The following ZNF536 variants were observed in gnomAD, a reference collection of about 807,000 sequenced individuals.
ZNF536 encodes the protein zinc finger protein 536.
In ZNF536, 13 loss-of-function variants were observed where a neutral mutation model predicts 84.5. That is an observed-to-expected ratio of 0.15 (90% CI 0.10 to 0.24). The LOEUF (loss-of-function observed/expected upper bound fraction) is 0.24, where lower values mean the gene tolerates loss of function less well. ZNF536 is among the 10% of genes least tolerant of loss of function. The pLI, the probability that ZNF536 is intolerant of heterozygous loss-of-function variation, is 1.00. For synonymous variants in ZNF536, 811 were observed against 742.5 expected (o/e 1.09, Z -1.50); for missense variants, 1,536 against 1,747.5 (o/e 0.88, Z 2.16).
At chr19:30,678,024 C>A (rs1292965745) in intron 1 of ZNF536, among the ~76,000 whole-genome samples, 1 of 152,138 alleles carries the variant, frequency 6.6e-6, no homozygotes, top group Non-Finnish European at 1.5e-5. Context: ...TTGAGAATGT[C>A]AAAAGCTTGA....
chr19:30,435,397 A>G (rs1781274989), intron 1 of ZNF536, among the ~76,000 whole-genome samples: 1 of 147,176 alleles, frequency 6.8e-6, no homozygotes, highest in Non-Finnish European at 1.5e-5. Flanking sequence ...TGTGATGATG[A>G]TGCTGTTGAT....
chr19:30,709,262 T>G (rs2148062139), intron 1 of ZNF536, among the ~76,000 whole-genome samples: 1 of 152,258 alleles, frequency 6.6e-6, no homozygotes, highest in African/African-American at 2.4e-5. Flanking sequence ...AAAATCTACC[T>G]TCTTTAAAAC....
intron 1 of ZNF536, among the ~76,000 whole-genome samples, chr19:30,391,393 A>G (rs897918090): frequency 7.9e-5 from 12 of 152,178 alleles, no homozygotes; most frequent in Admixed American, 3.9e-4. Flanking sequence ...TCTGACCAAC[A>G]TCGTGAAACC....
At chr19:30,643,889 A>G (rs1276671790) in intron 1 of ZNF536, among the ~76,000 whole-genome samples, 2 of 152,232 alleles carry the variant, frequency 1.3e-5, no homozygotes, top group Non-Finnish European at 2.9e-5. Context: ...TGCTTTAGAA[A>G]GCAAAGTAGA....
chr19:30,331,292 T>TAAAAAAAAAA (rs11324495), intron 2 of ZNF536, among the ~76,000 whole-genome samples: 4 of 41,720 alleles, frequency 9.6e-5, no homozygotes, highest in African/African-American at 3.2e-4. Context: ...CCCTGTATCT[T>TAAAAAAAAAA]AAAAAAAAAA....
chr19:30,680,384 T>C (rs1022349910), intron 1 of ZNF536, among the ~76,000 whole-genome samples: 12 of 144,904 alleles, frequency 8.3e-5, no homozygotes, highest in African/African-American at 2.8e-4. Flanking sequence ...GTATATCTCC[T>C]AAAGCTATCC....
intron 1 of ZNF536, among the ~76,000 whole-genome samples, chr19:30,650,218 A>C (rs918807644): frequency 6.6e-6 from 1 of 152,210 alleles, no homozygotes; most frequent in African/African-American, 2.4e-5. Flanking sequence ...AAAATACTTC[A>C]AAGGGATGAT....
intron 2 of ZNF536, among the ~76,000 whole-genome samples, chr19:30,524,999 G>A (rs10415509): frequency 0.36 from 55,382 of 152,044 alleles, 12,084 homozygotes; most frequent in African/African-American, 0.62. Flanking sequence ...CTATGGGTGA[G>A]TATCTCTTTA....
chr19:30,471,127 G>A (rs1028372413), intron 2 of ZNF536, among the ~76,000 whole-genome samples: 5 of 151,994 alleles, frequency 3.3e-5, no homozygotes, highest in African/African-American at 4.8e-5. Context: ...GGCTTAGACC[G>A]TTTATCAGAT....
chr19:30,445,695 G>C lies in ZNF536; in HGVS notation c.2133G>C (p.Gln711His), dbSNP rs767835049. Residue 711 changes from glutamine to histidine, a missense_variant, in exon 2 of 5, where the codon CAG (glutamine) becomes CAC (histidine). Gln to His is a conservative substitution (Grantham distance 24). Coordinates refer to ENST00000355537, the MANE Select transcript of ZNF536 (RefSeq NM_014717.3). The surrounding 1 kb of genome is among the most constrained non-coding windows in gnomAD (Gnocchi z 4.5). ...GCCTCTCCCAGACCGGGAGTGCCCA[G>C]GAGGACAGCCCGCACCCCTCCTCGC... Reference protein sequence around the residue: ...GGGLSQTGSAQEDSPHPSSPS... With the variant: ...GGGLSQTGSAHEDSPHPSSPS... The C allele has an allele frequency of 1.9e-6, 3 of 1,594,326 alleles. No individual in the cohort carries two copies. The highest frequency in any genetic ancestry group is 2.6e-6 in the Non-Finnish European group (3 of 1,169,472).
At chr19:30,506,274 G>A (rs1450784502) in intron 2 of ZNF536, among the ~76,000 whole-genome samples, 2 of 152,132 alleles carry the variant, frequency 1.3e-5, no homozygotes, top group Admixed American at 1.3e-4. Flanking sequence ...GGTGGTTGAT[G>A]ACTTTTCTCT....
At chr19:30,581,412 G>A (rs977203105) in intron 1 of ZNF536, among the ~76,000 whole-genome samples, 4 of 152,182 alleles carry the variant, frequency 2.6e-5, no homozygotes, top group African/African-American at 9.7e-5. Flanking sequence ...GGGAGGTCGA[G>A]GTTGCAGTGA....
chr19:30,495,194 C>T (rs2054670865), intron 2 of ZNF536, among the ~76,000 whole-genome samples: 1 of 152,076 alleles, frequency 6.6e-6, no homozygotes, highest in African/African-American at 2.4e-5. Flanking sequence ...GTGATGCCTC[C>T]TCATAGAAAG....
chr19:30,580,273 C>T (rs966863043), intron 1 of ZNF536, among the ~76,000 whole-genome samples: 2 of 152,174 alleles, frequency 1.3e-5, no homozygotes, highest in African/African-American at 2.4e-5. Flanking sequence ...CCCCCTTATG[C>T]TTTCTGGTTT....
rs916926949 is a variant in ZNF536, at chr19:30,445,539, C to A, written c.1977C>A (p.Gly659=). The change falls in exon 2 of 5, where the codon GGC becomes GGA. Residue 659 remains glycine, a synonymous_variant. Coordinates refer to ENST00000355537, the MANE Select transcript of ZNF536 (RefSeq NM_014717.3). This position sits in a 1 kb window ranked among gnomAD's most constrained non-coding sequence, Gnocchi z 4.5. ...GTGTCCACAAGCGGGACCGCAAGGG[C>A]GAGGAGGATGGGCTGCACGTGGGCC... ...HSRVHKRDRK[G]EEDGLHVGLD... is the part of the protein sequence containing the mutation. 6.2e-7 allele frequency: 1 copy of A among 1,613,656 alleles called. No homozygotes were observed. The highest frequency in any genetic ancestry group is 8.5e-7 in the Non-Finnish European group (1 of 1,179,854).
chr19:30,559,405 T>A (rs2046078146), downstream of ZNF536, among the ~76,000 whole-genome samples: 1 of 152,190 alleles, frequency 6.6e-6, no homozygotes. Flanking sequence ...GTACAAGAAG[T>A]AGGGCCCCAG....
intron 1 of ZNF536, among the ~76,000 whole-genome samples, chr19:30,611,365 G>C (rs540939987): frequency 7.0e-4 from 107 of 152,262 alleles, no homozygotes; most frequent in Middle Eastern, 3.4e-3. Flanking sequence ...TTGCAAACAG[G>C]CATCCCAGAA....
At chr19:30,262,408 GC>G (rs544710859) in intron 1 of ZNF536, among the ~76,000 whole-genome samples, 49 of 152,354 alleles carry the variant, frequency 3.2e-4, no homozygotes, top group African/African-American at 1.2e-3. Flanking sequence ...AAAGCATGGG[GC>G]TTGTGCTGAC....
At chr19:30,620,463 G>T (rs1474275821) in intron 1 of ZNF536, among the ~76,000 whole-genome samples, 1 of 152,198 alleles carries the variant, frequency 6.6e-6, no homozygotes, top group Non-Finnish European at 1.5e-5. Flanking sequence ...GAACTGCCTG[G>T]TGGTGACATT....
Sources: allele counts gnomAD v4.1 joint callset (sites outside exome capture counted in the v4.1 genomes callset), GRCh38; gene constraint gnomAD v4.1.1; non-coding constraint Gnocchi (gnomAD v3.1); transcripts MANE v1.5; gene names NCBI Gene and HGNC (gene_info 2026-07-23, HGNC 2026-07-21).